Variants in OSBPL7 observed in about 807,000 individuals in gnomAD.
The protein encoded by OSBPL7 is oxysterol-binding protein-related protein 7.
Under a neutral mutation model 115.8 loss-of-function variants are expected in OSBPL7, and 66 were observed. The observed-to-expected ratio is 0.57, with a 90% CI of 0.47 to 0.70. The LOEUF (loss-of-function observed/expected upper bound fraction) is 0.70, where lower values mean the gene tolerates loss of function less well. OSBPL7 is among the 30% of genes least tolerant of loss of function. The pLI, the probability that OSBPL7 is intolerant of heterozygous loss-of-function variation, is 0.00. For synonymous variants in OSBPL7, 441 were observed against 439.2 expected, an observed-to-expected ratio of 1.00 and a Z score of -0.05; for missense variants, 902 against 1,125.5, an observed-to-expected ratio of 0.80 and a Z score of 2.84.
In OSBPL7 at chr17:47,817,194, T is replaced by A; in HGVS notation, c.702+62A>T. ...AGCGATGTAGGAGGAATAGGACCCA[T>A]CCTGGGGAAGTGATGGGATCGGGGG... On this transcript the variant is annotated intron_variant, in intron 8 of 22. Transcript: ENST00000007414. 5 of 1,346,854 alleles carry A rather than the reference T, an allele frequency of 3.7e-6. No homozygotes were observed. The South Asian group carries it at 6.5e-5, about 17-fold the overall frequency. The allele number at this position is 1,346,854 out of a possible 1,614,324, so 83.4% of individuals were successfully genotyped here.
chr17:47,817,611 G>A (rs1196559180), intron 7 of OSBPL7, among the ~76,000 whole-genome samples: 1 of 152,000 alleles, frequency 6.6e-6, no homozygotes, highest in Non-Finnish European at 1.5e-5. Flanking sequence ...GGCTGGCCTC[G>A]AACTCCTGAC....
intron 12 of OSBPL7, chr17:47,815,891 A>G: frequency 4.0e-6 from 2 of 504,198 alleles, no homozygotes; most frequent in South Asian, 5.5e-5. Context: ...TCACTGCATC[A>G]GAGGACCCCG....
At position 47,814,584 on chromosome 17, in the gene OSBPL7, C is replaced by T; in HGVS notation, c.1288G>A (p.Glu430Lys). ...TCCTCAGACAGGCTGGTGGTGATTT[C>T]ACTGGTACAGGACTCCTCCTCCTCT... ...GSEEEESCTSEITTSLSEEML... is the reference protein window; with the variant it reads ...GSEEEESCTSKITTSLSEEML... Residue 430 changes from glutamate (E) to lysine (K), a missense_variant, in exon 14 of 23, where the codon GAA becomes AAA. By Grantham distance (56) the Glu-to-Lys change is moderately conservative. Coordinates refer to ENST00000007414, the MANE Select transcript of OSBPL7 (RefSeq NM_145798.3). 1 of 1,566,522 alleles carries T rather than the reference C, an allele frequency of 6.4e-7. No homozygotes were observed. Among genetic ancestry groups the T allele is most frequent in the Non-Finnish European group, 8.7e-7 (1 of 1,150,750 alleles).
rs2032894357 is a variant in OSBPL7 at position 47,807,481 on chromosome 17, G to A, written c.*810C>T. The A allele has an allele frequency of 2.0e-5, 3 of 152,762 alleles. No homozygotes were observed. The highest frequency in any genetic ancestry group is 2.1e-4 in the South Asian group (1 of 4,822). 9.5% of individuals were successfully genotyped at this position (152,762 alleles called of 1,614,324 possible). On this transcript the variant is annotated 3_prime_UTR_variant, in exon 23 of 23. Transcript: ENST00000007414. Reference sequence around the variant, plus strand: ...GTGGACCCCCAGCAGGGGGAAGGCGGGGCTACATGAGGGAGCCCTGCTTGC... The same window carrying A: ...GTGGACCCCCAGCAGGGGGAAGGCGAGGCTACATGAGGGAGCCCTGCTTGC...
rs75148878 is a variant in OSBPL7, at chr17:47,809,303, T to G, written c.2025+31A>C. Reference sequence around the variant, plus strand: ...CTCCAGAGACAGAGGCTGCCGGGGATGGATGGGCAGGGTCAGGGTGGCACA... The same window carrying G: ...CTCCAGAGACAGAGGCTGCCGGGGAGGGATGGGCAGGGTCAGGGTGGCACA... On this transcript the variant is annotated intron_variant, in intron 19 of 22. Transcript: ENST00000007414. 5,255 of 1,611,340 alleles carry G rather than the reference T, an allele frequency of 3.3e-3. 10 individuals are homozygous for G. Among genetic ancestry groups the G allele is most frequent in the Non-Finnish European group, 3.8e-3 (4,526 of 1,177,766 alleles).
intron 14 of OSBPL7, 112 bp downstream of exon 14, chr17:47,814,409 A>C: frequency 1.0e-6 from 1 of 978,474 alleles, no homozygotes; most frequent in Non-Finnish European, 1.5e-6. Context: ...ATCCAAAGCC[A>C]CTAGCCCATC....
At position 47,818,362 on chromosome 17, in the gene OSBPL7, C is replaced by A; in HGVS notation, c.505G>T (p.Ala169Ser). 6.2e-7 allele frequency: 1 copy of A among 1,614,020 alleles called. No homozygotes were observed. Among genetic ancestry groups the A allele is most frequent in the South Asian group, 1.1e-5 (1 of 91,062 alleles). ...CCAGGTAGGGCTGAGGCAGTAGCTG[C>A]TGTTGGAAGCTGGGCACCAGGAACC... is the stretch of plus-strand genomic sequence containing the variant. ...RKVPGAQLPT[A>S]ATASALPGLG... Residue 169 changes from alanine to serine, a missense_variant, in exon 7 of 23, where the codon GCA becomes TCA. Ala to Ser is a moderately conservative substitution (Grantham distance 99). Coordinates refer to ENST00000007414, the MANE Select transcript of OSBPL7 (RefSeq NM_145798.3).
At position 47,816,335 on chromosome 17, in the gene OSBPL7, C is replaced by T. The variant is rs1274068431; in HGVS notation, c.1023+53G>A. 9.4e-6 allele frequency: 14 copies of T among 1,486,510 alleles called. No individual in the cohort carries two copies. The Admixed American group carries it at 2.5e-4, about 26-fold the overall frequency. 92.1% of individuals were successfully genotyped at this position (1,486,510 alleles called of 1,614,324 possible). On this transcript the variant is annotated intron_variant, in intron 11 of 22. Transcript: ENST00000007414. This position sits in a 1 kb window ranked among gnomAD's most constrained non-coding sequence, Gnocchi z 5.8. Reference sequence around the variant, plus strand: ...TGCTATCGGACCCCAGGCTGGCAGTCCTCAGCTTGAAGCCCTCTCCCCGCA... The same window carrying T: ...TGCTATCGGACCCCAGGCTGGCAGTTCTCAGCTTGAAGCCCTCTCCCCGCA...
chr17:47,815,004 G>A lies in OSBPL7; in HGVS notation c.1257+211C>T, dbSNP rs1236368822. 6 of 649,140 alleles carry A rather than the reference G, an allele frequency of 9.2e-6. No homozygotes were observed. The East Asian group carries it at 1.7e-4, about 18-fold the overall frequency. 40.2% of individuals were successfully genotyped at this position (649,140 alleles called of 1,614,324 possible). The stretch of plus-strand genomic sequence containing the variant: ...AGTAGTTTCAGGAGAACCCAATGGG[G>A]ATACAAATGTCACACTCCTCTAGGA... On this transcript the variant is annotated intron_variant, in intron 13 of 22. Coordinates refer to ENST00000007414, the MANE Select transcript of OSBPL7 (RefSeq NM_145798.3).
Position 47,808,944 on chromosome 17 carries a change from A to T in OSBPL7, c.2217T>A (p.Phe739Leu). The T allele has an allele frequency of 6.2e-7, 1 of 1,614,192 alleles. No individual in the cohort carries two copies. The highest frequency in any genetic ancestry group is 8.5e-7 in the Non-Finnish European group (1 of 1,180,032). ...CTGTCAGCTCATTCAGCTCCAAGGCAAACTGGGTGAAGCCGAAGTTTCGCT... is the reference window on the plus strand; with the variant it reads ...CTGTCAGCTCATTCAGCTCCAAGGCTAACTGGGTGAAGCCGAAGTTTCGCT... ...DHERNFGFTQ[F>L]ALELNELTAE... Residue 739 changes from phenylalanine to leucine, a missense_variant, in exon 21 of 23, where the codon TTT (phenylalanine) becomes TTA (leucine). Phe to Leu is a conservative substitution (Grantham distance 22). This residue lies in a region of OSBPL7 where 230 missense variants were observed against 312.7 expected (regional missense o/e 0.74). Coordinates refer to ENST00000007414, the MANE Select transcript of OSBPL7 (RefSeq NM_145798.3). The surrounding 1 kb of genome is among the most constrained non-coding windows in gnomAD (Gnocchi z 6.1).
Position 47,816,496 on chromosome 17 carries a change from G to A in OSBPL7, c.929-14C>T, listed in dbSNP as rs17773860. On this transcript the variant is annotated splice_polypyrimidine_tract_variant and intron_variant, in intron 10 of 22. Transcript: ENST00000007414. The surrounding 1 kb of genome is among the most constrained non-coding windows in gnomAD (Gnocchi z 5.8). Reference sequence around the variant, plus strand: ...GGGAGCTGTGCACTACAGGGAGTGGGGCAGACCATCAGAGTCCTCGCTCGC... The same window carrying A: ...GGGAGCTGTGCACTACAGGGAGTGGAGCAGACCATCAGAGTCCTCGCTCGC... The A allele has an allele frequency of 0.35, 537,558 of 1,550,020 alleles. 100,719 individuals carry two copies. The highest frequency in any genetic ancestry group is 0.39 in the Non-Finnish European group (444,572 of 1,146,390).
At chr17:47,813,122 G>T in intron 16 of OSBPL7, 144 bp downstream of exon 16, 1 of 1,129,852 alleles carries the variant, frequency 8.9e-7, no homozygotes, top group Non-Finnish European at 1.2e-6. Flanking sequence ...ACGTGGGCCA[G>T]GAGCACCGCA....
At position 47,813,349 on chromosome 17, in the gene OSBPL7, C is replaced by A. The variant is rs139676584; in HGVS notation, c.1654G>T (p.Gly552Cys). Residue 552 changes from glycine (G) to cysteine (C), a missense_variant, in exon 16 of 23, where the codon GGC (glycine) becomes TGC (cysteine). Coordinates refer to ENST00000007414, the MANE Select transcript of OSBPL7 (RefSeq NM_145798.3). The part of the protein sequence containing the change: ...SAYSSTYHRA[G>C]CKPFNPVLGE... ...AGGACAGGGTTGAAGGGCTTGCAGC[C>A]GGCTCGGTGGTATGTGGAGGAGTAG... 29 of 1,613,952 alleles carry A rather than the reference C, an allele frequency of 1.8e-5. No homozygotes were observed. The highest frequency in any genetic ancestry group is 1.6e-4 in the Middle Eastern group (1 of 6,082).
At position 47,813,735 on chromosome 17, in the gene OSBPL7, C is replaced by T. The variant is rs758114428; in HGVS notation, c.1451G>A (p.Arg484His). 5.0e-6 allele frequency: 8 copies of T among 1,613,328 alleles called. No individual in the cohort carries two copies. Among genetic ancestry groups the T allele is most frequent in the South Asian group, 2.2e-5 (2 of 91,084 alleles). Residue 484 changes from arginine to histidine, a missense_variant, in exon 15 of 23, where the codon CGC (arginine) becomes CAC (histidine). This residue lies in a region of OSBPL7 where 667 missense variants were observed against 788.7 expected (regional missense o/e 0.85). Coordinates refer to ENST00000007414, the MANE Select transcript of OSBPL7 (RefSeq NM_145798.3). ...GADVSLWNILRNNIGKDLSKV... is the reference protein window; with the variant it reads ...GADVSLWNILHNNIGKDLSKV... ...GGACAGGTCTTTGCCGATGTTGTTG[C>T]GCAGAATGTTCCACAGGCTCACGTC...
At chr17:47,817,944 C>G (rs937665648) in intron 7 of OSBPL7, among the ~76,000 whole-genome samples, 2 of 152,210 alleles carry the variant, frequency 1.3e-5, no homozygotes, top group African/African-American at 4.8e-5. Flanking sequence ...ACTTCACAGA[C>G]CCTACTGCAG....
chr17:47,820,263 T>C lies in OSBPL7; in HGVS notation c.16A>G (p.Arg6Gly), dbSNP rs748703801. ...CTCTCAGGCAGGAAGGGCGGGTCCC[T>C]CTCTTGGAAGTCCATGGAGAAGGGA... MDFQE[R>G]DPPFLPESAQ... The change falls in exon 2 of 23, where the codon AGG becomes GGG. Residue 6 changes from arginine to glycine, a missense_variant. By Grantham distance (125) the Arg-to-Gly change is moderately radical. Around this residue, in one of 3 missense-constraint regions of OSBPL7, gnomAD observed 667 missense variants for 788.7 expected, o/e 0.85. Transcript: ENST00000007414. 3 of 1,613,670 alleles carry C rather than the reference T, an allele frequency of 1.9e-6. No individual in the cohort carries two copies. Among genetic ancestry groups the C allele is most frequent in the Non-Finnish European group, 2.5e-6 (3 of 1,179,854 alleles).
intron 14 of OSBPL7, among the ~76,000 whole-genome samples, 171 bp downstream of exon 14, chr17:47,814,350 G>C (rs1331350599): frequency 6.6e-6 from 1 of 152,230 alleles, no homozygotes; most frequent in Admixed American, 6.5e-5. Context: ...GCTGCTCCTG[G>C]AACATTTCCC....
Position 47,819,974 on chromosome 17 carries a change from G to A in OSBPL7, c.198C>T (p.His66=). ...TCCCTTTGCCTGCCCACCCTACCTTGTGCCAGCCCTTCAGAGGCCACTTCC... is the reference window on the plus strand; with the variant it reads ...TCCCTTTGCCTGCCCACCCTACCTTATGCCAGCCCTTCAGAGGCCACTTCC... ...KKRKWPLKGW[H]KRYFVLEDGI... Residue 66 remains histidine, a synonymous_variant, in exon 3 of 23, where the codon CAC becomes CAT. Transcript: ENST00000007414. 1.3e-6 allele frequency: 2 copies of A among 1,501,948 alleles called. No individual in the cohort carries two copies. The highest frequency in any genetic ancestry group is 5.1e-5 in the East Asian group (2 of 39,272). 93.0% of individuals were successfully genotyped at this position (1,501,948 alleles called of 1,614,324 possible).
At chr17:47,814,103 C>T (rs1025736079) in intron 14 of OSBPL7, among the ~76,000 whole-genome samples, 15 of 152,346 alleles carry the variant, frequency 9.8e-5, no homozygotes, top group African/African-American at 2.9e-4. Context: ...GAGCCCCTCC[C>T]GAGTCCTCAC....
Sources: allele counts gnomAD v4.1 joint callset (sites outside exome capture counted in the v4.1 genomes callset), GRCh38; gene constraint gnomAD v4.1.1; regional missense constraint gnomAD v4.1.1; non-coding constraint Gnocchi (gnomAD v3.1); transcripts MANE v1.5; gene names NCBI Gene and HGNC (gene_info 2026-07-23, HGNC 2026-07-21).